The following DGKB variants were observed in gnomAD, a reference collection of about 807,000 sequenced individuals.
DGKB encodes 90 kDa diacylglycerol kinase.
In DGKB, 67 loss-of-function variants were observed where a neutral mutation model predicts 114.3. The ratio of observed to expected loss-of-function variants is 0.59; its 90% CI spans 0.48 to 0.72. DGKB has a LOEUF of 0.72. DGKB is among the 30% of genes least tolerant of loss of function. The pLI is 0.00. For synonymous variants in DGKB, 398 were observed against 323.1 expected, an observed-to-expected ratio of 1.23 and a Z score of -2.49; for missense variants, 907 against 975.2, an observed-to-expected ratio of 0.93 and a Z score of 0.93.
chr7:14,225,554 T>C (rs7778972), intron 23 of DGKB, among the ~76,000 whole-genome samples: 9,211 of 152,134 alleles, frequency 0.061, 561 homozygotes, highest in East Asian at 0.24. Context: ...GCTACTTGTA[T>C]TAATGAAATG....
chr7:14,745,507 G>A (rs1444046578), intron 4 of DGKB, among the ~76,000 whole-genome samples: 1 of 152,190 alleles, frequency 6.6e-6, no homozygotes, highest in African/African-American at 2.4e-5. Flanking sequence ...ATTGAGCACA[G>A]GGGGGCTTGC....
In DGKB at chr7:14,946,971, A is replaced by T. The variant is rs148197358; in HGVS notation, c.-188+27725T>A. On this transcript the variant is annotated intron_variant, in intron 1 of 4. Transcript: ENST00000437998. ...GTTTATTTATAACAATTAAGAAATAAGTCATACTCTAAGAACATATTTTAA... is the reference window on the plus strand; with the variant it reads ...GTTTATTTATAACAATTAAGAAATATGTCATACTCTAAGAACATATTTTAA... Among the ~76,000 whole-genome samples the T allele has an allele frequency of 2.8e-4, 42 of 151,908 alleles. 1 individual carries two copies. In the East Asian group the frequency reaches 7.7e-3, roughly 28 times the overall value.
At chr7:14,630,969 T>C (rs1809564335) in intron 13 of DGKB, among the ~76,000 whole-genome samples, 1 of 150,378 alleles carries the variant, frequency 6.6e-6, no homozygotes, top group Non-Finnish European at 1.5e-5. Context: ...TCTATGGAAA[T>C]GAGAACATAA....
At chr7:14,517,751 A>T (rs1030078428) in intron 20 of DGKB, among the ~76,000 whole-genome samples, 2 of 152,128 alleles carry the variant, frequency 1.3e-5, no homozygotes, top group African/African-American at 4.8e-5. Context: ...AATCAAAATC[A>T]CAATGAGATA....
At chr7:14,549,852 G>A (rs1794853324) in intron 20 of DGKB, among the ~76,000 whole-genome samples, 1 of 152,074 alleles carries the variant, frequency 6.6e-6, no homozygotes, top group African/African-American at 2.4e-5. Context: ...GCTGGGCGTG[G>A]TGGCGTGTGC....
chr7:14,348,335 A>C (rs1173651754), intron 21 of DGKB, among the ~76,000 whole-genome samples: 1 of 152,072 alleles, frequency 6.6e-6, no homozygotes, highest in African/African-American at 2.4e-5. Context: ...TCCTTTTATC[A>C]CTGAGTAGTA....
intron 1 of DGKB, among the ~76,000 whole-genome samples, chr7:14,873,579 A>G (rs2128201250): frequency 6.6e-6 from 1 of 152,142 alleles, no homozygotes; most frequent in East Asian, 1.9e-4. Flanking sequence ...ATTCAAATCA[A>G]AAGAATAAAG....
chr7:14,674,169 A>G (rs1168970696), intron 12 of DGKB, among the ~76,000 whole-genome samples: 1 of 151,782 alleles, frequency 6.6e-6, no homozygotes, highest in Non-Finnish European at 1.5e-5. Flanking sequence ...ACTGTAATTA[A>G]TGCCCATTAG....
At chr7:14,777,101 C>A (rs1317246897) in intron 2 of DGKB, among the ~76,000 whole-genome samples, 2 of 152,120 alleles carry the variant, frequency 1.3e-5, no homozygotes, top group Admixed American at 1.3e-4. Context: ...TGCACGGGCC[C>A]TGTAGCTCCT....
chr7:14,866,793 G>A (rs114119531), intron 1 of DGKB, among the ~76,000 whole-genome samples: 1,768 of 152,126 alleles, frequency 0.012, 33 homozygotes, highest in African/African-American at 0.04. Context: ...GATTCATTTC[G>A]TAGAAACCAC....
chr7:14,291,962 T>G (rs894977434), intron 23 of DGKB, among the ~76,000 whole-genome samples: 2 of 152,152 alleles, frequency 1.3e-5, no homozygotes, highest in African/African-American at 4.8e-5. Flanking sequence ...TGTTAGTAGC[T>G]TCTACTGTTT....
chr7:14,815,962 G>T (rs1338531271), intron 2 of DGKB, among the ~76,000 whole-genome samples: 1 of 152,176 alleles, frequency 6.6e-6, no homozygotes, highest in African/African-American at 2.4e-5. Flanking sequence ...GGCTCACGCT[G>T]CAAGCTGTTA....
intron 1 of DGKB, among the ~76,000 whole-genome samples, chr7:14,954,321 C>T (rs1332874289): frequency 6.6e-6 from 1 of 151,942 alleles, no homozygotes; most frequent in East Asian, 1.9e-4. Flanking sequence ...GGCAGGTGAG[C>T]ACTGAAGATG....
At chr7:14,865,158 C>T (rs1235166503) in intron 1 of DGKB, among the ~76,000 whole-genome samples, 1 of 152,106 alleles carries the variant, frequency 6.6e-6, no homozygotes, top group South Asian at 2.1e-4. Flanking sequence ...TCTGGAGGAG[C>T]AACAGACTTG....
intron 13 of DGKB, among the ~76,000 whole-genome samples, chr7:14,658,818 T>C (rs1816393323): frequency 6.6e-6 from 1 of 152,132 alleles, no homozygotes; most frequent in Non-Finnish European, 1.5e-5. Flanking sequence ...TTTTTAAATA[T>C]ACATTTTTCA....
Position 14,879,415 on chromosome 7 carries a change from T to TA in DGKB, c.-188+23176dup, listed in dbSNP as rs561774161. Among the ~76,000 whole-genome samples the TA allele has an allele frequency of 8.5e-5, 13 of 152,276 alleles. No homozygotes were observed. In the South Asian group the frequency reaches 2.1e-3, roughly 24 times the overall value. ...CAGATGTGAGTTTGCTCTTTAAATA[T>TA]AAAAAAACACTTTGCTTTTCTTTCA... On this transcript the variant is annotated intron_variant, in intron 1 of 25. Transcript: ENST00000402815.
intron 21 of DGKB, among the ~76,000 whole-genome samples, chr7:14,380,251 TAATAAA>T (rs892606532): frequency 6.6e-6 from 1 of 151,134 alleles, no homozygotes; most frequent in Non-Finnish European, 1.5e-5. Flanking sequence ...AATAAATAAA[TAATAAA>T]AATAAAAATA....
At chr7:14,582,614 T>TATG (rs1002414665) in intron 18 of DGKB, among the ~76,000 whole-genome samples, 33 of 152,012 alleles carry the variant, frequency 2.2e-4, no homozygotes, top group African/African-American at 2.7e-4. Context: ...AAAAATTAGC[T>TATG]ATGATGATGA....
intron 1 of DGKB, among the ~76,000 whole-genome samples, chr7:14,884,870 T>A (rs1032318437): frequency 2.0e-5 from 3 of 151,986 alleles, no homozygotes; most frequent in Non-Finnish European, 2.9e-5. Flanking sequence ...TGATTAGATA[T>A]CTCTGAGTGA....
Sources: gnomAD v4.1 joint callset for allele counts (sites outside exome capture counted in the v4.1 genomes callset) on GRCh38, gnomAD v4.1.1 for gene constraint, MANE v1.5 for transcripts, NCBI Gene and HGNC (gene_info 2026-07-23, HGNC 2026-07-21) for gene names.